Variants in DSCAM observed in about 807,000 individuals in gnomAD.
The protein encoded by DSCAM is cell adhesion molecule DSCAM.
DSCAM carries 47 observed loss-of-function variants against 217.7 expected under a neutral mutation model. The observed-to-expected ratio is 0.22, with a 90% CI of 0.17 to 0.28. The LOEUF is 0.28. DSCAM is among the 10% of genes least tolerant of loss of function. The probability of loss-of-function intolerance (pLI) is 1.00; values close to 1 mark genes in which losing one functional copy is unlikely to be tolerated. For missense variants in DSCAM, 2,080 were observed against 2,618.3 expected (o/e 0.79, Z 4.49); for synonymous variants, 1,056 against 1,015.3 (o/e 1.04, Z -0.76).
At chr21:40,473,494 G>A (rs767837696) in intron 3 of DSCAM, among the ~76,000 whole-genome samples, 1 of 152,192 alleles carries the variant, frequency 6.6e-6, no homozygotes, top group East Asian at 1.9e-4. Context: ...ATAATAGCCT[G>A]GTGTTAACAC....
chr21:40,195,754 C>A (rs2091000699), intron 11 of DSCAM, among the ~76,000 whole-genome samples: 1 of 152,100 alleles, frequency 6.6e-6, no homozygotes, highest in African/African-American at 2.4e-5. Flanking sequence ...TTACAGGGTT[C>A]CCGGGTGGGA....
intron 3 of DSCAM, among the ~76,000 whole-genome samples, chr21:40,540,507 G>C (rs1340979410): frequency 6.6e-6 from 1 of 152,150 alleles, no homozygotes; most frequent in African/African-American, 2.4e-5. Flanking sequence ...TGCTTCCTGT[G>C]TTCTAATGTC....
chr21:40,565,308 C>T (rs1457798333), intron 3 of DSCAM, among the ~76,000 whole-genome samples: 2 of 152,176 alleles, frequency 1.3e-5, no homozygotes, highest in Non-Finnish European at 2.9e-5. Flanking sequence ...AAGTTCTACT[C>T]TTATAGAACA....
intron 3 of DSCAM, among the ~76,000 whole-genome samples, chr21:40,516,791 G>A (rs1461227029): frequency 6.6e-6 from 1 of 151,622 alleles, no homozygotes; most frequent in East Asian, 1.9e-4. Context: ...GGCTTTTTCT[G>A]ATAACATTCA....
chr21:40,604,300 T>C (rs896010731), intron 3 of DSCAM, among the ~76,000 whole-genome samples: 1 of 152,194 alleles, frequency 6.6e-6, no homozygotes, highest in East Asian at 1.9e-4. Context: ...CCTTAGAGTT[T>C]CCATTTCTGT....
intron 3 of DSCAM, among the ~76,000 whole-genome samples, chr21:40,644,696 C>G (rs2089922803): frequency 6.6e-6 from 1 of 152,146 alleles, no homozygotes; most frequent in African/African-American, 2.4e-5. Context: ...CTTGCTTGAG[C>G]CTGCTCCCAC....
Position 40,099,388 on chromosome 21 carries a change from G to A in DSCAM, c.3697-5514C>T, listed in dbSNP as rs573515156. The stretch of plus-strand genomic sequence containing the variant: ...TCATAGAAACTTCCTTAATTTCTCC[G>A]TAGGTTAGGATGAAAAATAATAACG... On this transcript the variant is annotated intron_variant, in intron 20 of 32. Coordinates refer to ENST00000400454, the MANE Select transcript of DSCAM (RefSeq NM_001389.5). Among the ~76,000 whole-genome samples, 494 of 152,264 alleles carry A rather than the reference G, an allele frequency of 3.2e-3. 3 individuals are homozygous for A. The highest frequency in any genetic ancestry group is 0.02 in the Middle Eastern group (6 of 294).
At chr21:40,653,213 C>G (rs1343867164) in intron 3 of DSCAM, among the ~76,000 whole-genome samples, 1 of 152,188 alleles carries the variant, frequency 6.6e-6, no homozygotes, top group Non-Finnish European at 1.5e-5. Flanking sequence ...GTCTCTCCAG[C>G]AAATCATCAA....
intron 8 of DSCAM, among the ~76,000 whole-genome samples, chr21:40,337,861 C>T (rs1191210421): frequency 6.6e-6 from 1 of 152,182 alleles, no homozygotes; most frequent in Non-Finnish European, 1.5e-5. Flanking sequence ...GTTAACAACA[C>T]ATGCCCTCTG....
At chr21:40,026,046 C>CTTCA (rs2088374801) in intron 32 of DSCAM, among the ~76,000 whole-genome samples, 1 of 141,676 alleles carries the variant, frequency 7.1e-6, no homozygotes. Context: ...GCTTTGAATG[C>CTTCA]GTCCCAGAGA....
At chr21:40,469,073 A>C (rs553131115) in intron 3 of DSCAM, among the ~76,000 whole-genome samples, 1 of 152,296 alleles carries the variant, frequency 6.6e-6, no homozygotes, top group South Asian at 2.1e-4. Flanking sequence ...GAATGGCCTC[A>C]ACACTGCCCA....
chr21:40,101,445 C>A (rs183042288), intron 20 of DSCAM, among the ~76,000 whole-genome samples: 4 of 133,846 alleles, frequency 3.0e-5, no homozygotes, highest in African/African-American at 1.4e-4. Flanking sequence ...GGACAGATTT[C>A]GTGGAAGACA....
intron 1 of DSCAM, among the ~76,000 whole-genome samples, chr21:40,715,800 TA>T (rs1359788281): frequency 6.6e-6 from 1 of 152,222 alleles, no homozygotes; most frequent in Non-Finnish European, 1.5e-5. Flanking sequence ...AGGATTCTTT[TA>T]TTTTTTTTCC....
At chr21:40,284,219 A>G (rs963211483) in intron 10 of DSCAM, among the ~76,000 whole-genome samples, 1 of 152,202 alleles carries the variant, frequency 6.6e-6, no homozygotes, top group Non-Finnish European at 1.5e-5. Flanking sequence ...TCAGTGAAGG[A>G]GTGCTGAAGA....
chr21:40,311,960 T>TTTTTGTTTAAAA, intron 9 of DSCAM, 121 bp downstream of exon 9: 1 of 321,030 alleles, frequency 3.1e-6, no homozygotes, highest in Non-Finnish European at 4.8e-6. Flanking sequence ...TTTTTTTTTT[T>TTTTTGTTTAAAA]AGTGAGATAA....
intron 3 of DSCAM, among the ~76,000 whole-genome samples, chr21:40,617,119 CTT>C (rs1178735630): frequency 6.2e-5 from 7 of 112,652 alleles, no homozygotes; most frequent in Admixed American, 1.8e-4. Flanking sequence ...CAGAACCAGT[CTT>C]TTTTTTTTTT....
intron 20 of DSCAM, among the ~76,000 whole-genome samples, chr21:40,110,405 AC>A (rs2089881222): frequency 6.6e-6 from 1 of 152,066 alleles, no homozygotes; most frequent in African/African-American, 2.4e-5. Context: ...CCACACCAAA[AC>A]CCCATCTGTA....
At chr21:40,533,782 C>T (rs73364942) in intron 3 of DSCAM, among the ~76,000 whole-genome samples, 8,471 of 146,326 alleles carry the variant, frequency 0.058, 390 homozygotes, top group East Asian at 0.22. Flanking sequence ...TCCATCTAAC[C>T]CTCTGTTTTT....
intron 3 of DSCAM, among the ~76,000 whole-genome samples, chr21:40,572,092 GT>G (rs2076811942): frequency 3.1e-5 from 3 of 97,534 alleles, no homozygotes; most frequent in Admixed American, 9.2e-5. Flanking sequence ...GTGGGTGTGT[GT>G]GTGTGTGTGT....
Sources: allele counts gnomAD v4.1 joint callset (sites outside exome capture counted in the v4.1 genomes callset), GRCh38; gene constraint gnomAD v4.1.1; transcripts MANE v1.5; gene names NCBI Gene and HGNC (gene_info 2026-07-23, HGNC 2026-07-21).